Variants in WDR41 observed in about 807,000 individuals in gnomAD.
WDR41 encodes the protein WD repeat domain 41.
A neutral mutation model predicts 69.3 loss-of-function variants in WDR41; 63 were observed. That is an observed-to-expected ratio of 0.91 (90% CI 0.74 to 1.12). The LOEUF is 1.12. Ranked by LOEUF, WDR41 falls within the 50% of genes most tolerant of loss-of-function variation. WDR41 has a pLI of 0.00. For missense variants in WDR41, 543 were observed against 534.5 expected (o/e 1.02, Z -0.16); for synonymous variants, 185 against 192.1 (o/e 0.96, Z 0.31).
intron 1 of WDR41, among the ~76,000 whole-genome samples, chr5:77,518,553 G>A (rs1239530567): frequency 6.6e-6 from 1 of 152,046 alleles, no homozygotes; most frequent in Non-Finnish European, 1.5e-5. Flanking sequence ...TTTTCCCTAA[G>A]TCATTTGTTT....
chr5:77,605,837 A>AT (rs1307459023), intron 1 of WDR41, among the ~76,000 whole-genome samples: 1 of 152,212 alleles, frequency 6.6e-6, no homozygotes, highest in Non-Finnish European at 1.5e-5. Context: ...AGGTAAAAAA[A>AT]CTTTGACTGA....
intron 12 of WDR41, among the ~76,000 whole-genome samples, chr5:77,435,660 C>A (rs189382087): frequency 6.6e-6 from 1 of 152,342 alleles, no homozygotes; most frequent in Admixed American, 6.5e-5. Flanking sequence ...CACAGCTAAT[C>A]TGTTACCTCA....
chr5:77,539,609 T>C (rs1453336424), intron 1 of WDR41, among the ~76,000 whole-genome samples: 2 of 152,190 alleles, frequency 1.3e-5, no homozygotes, highest in African/African-American at 4.8e-5. Context: ...AGTCTGGGTT[T>C]GAACCCTGAC....
chr5:77,498,069 A>G (rs953980102), intron 1 of WDR41, among the ~76,000 whole-genome samples: 1 of 152,228 alleles, frequency 6.6e-6, no homozygotes, highest in Non-Finnish European at 1.5e-5. Flanking sequence ...AAAATAGAAC[A>G]GAGGTTACCA....
chr5:77,485,469 T>A (rs890715122), intron 2 of WDR41, among the ~76,000 whole-genome samples: 1 of 152,220 alleles, frequency 6.6e-6, no homozygotes, highest in African/African-American at 2.4e-5. Context: ...TGTTCTCCAA[T>A]CTGGCACTTC....
chr5:77,493,423 T>C (rs1203008890), upstream of WDR41, among the ~76,000 whole-genome samples: 1 of 152,154 alleles, frequency 6.6e-6, no homozygotes, highest in Non-Finnish European at 1.5e-5. Flanking sequence ...AAAATGCTGC[T>C]CTGGAGGGAC....
At chr5:77,613,871 G>C (rs1438863547) in intron 1 of WDR41, among the ~76,000 whole-genome samples, 1 of 152,094 alleles carries the variant, frequency 6.6e-6, no homozygotes, top group Admixed American at 6.5e-5. Flanking sequence ...CTACAGAATG[G>C]GAGAAAATTT....
intron 1 of WDR41, among the ~76,000 whole-genome samples, chr5:77,614,092 C>T (rs1411574313): frequency 0.019 from 2,849 of 151,610 alleles, 32 homozygotes; most frequent in Middle Eastern, 0.062. Context: ...AAAACCACAA[C>T]GAGATACCAT....
At chr5:77,458,412 A>T (rs1413590479) in intron 5 of WDR41, among the ~76,000 whole-genome samples, 1 of 152,140 alleles carries the variant, frequency 6.6e-6, no homozygotes, top group East Asian at 1.9e-4. Flanking sequence ...AAATGAGGGA[A>T]CATCTACTGC....
chr5:77,438,280 G>A lies in WDR41; in HGVS notation c.964C>T (p.His322Tyr), dbSNP rs754992543. The change falls in exon 10 of 13, where the codon CAT becomes TAT. Residue 322 changes from histidine (H) to tyrosine (Y), a missense_variant. His to Tyr is a moderately conservative substitution (Grantham distance 83, BLOSUM62 2). Transcript: ENST00000296679. ...KRVIACQKTAHDSNVLHVARL... is the reference protein window; with the variant it reads ...KRVIACQKTAYDSNVLHVARL... ...GCAACGTGCAGGACATTGGAGTCAT[G>A]TGCAGTTTTCTGGCAGGCAATCACA... The A allele has an allele frequency of 6.2e-7, 1 of 1,614,098 alleles. No individual in the cohort carries two copies. The highest frequency in any genetic ancestry group is 1.1e-5 in the South Asian group (1 of 91,088).
intron 1 of WDR41, among the ~76,000 whole-genome samples, chr5:77,523,533 T>TAA (rs1802403682): frequency 6.6e-6 from 1 of 152,020 alleles, no homozygotes; most frequent in Non-Finnish European, 1.5e-5. Context: ...CTATATTCAG[T>TAA]AAAGTATACT....
chr5:77,482,418 ATC>A (rs1801311994), intron 2 of WDR41, among the ~76,000 whole-genome samples: 1 of 152,124 alleles, frequency 6.6e-6, no homozygotes. Flanking sequence ...TATCTCTAAT[ATC>A]TCTTTTATTC....
chr5:77,449,985 C>T (rs2305989), intron 7 of WDR41, 115 bp from the exon 8 acceptor site: 8 of 692,206 alleles, frequency 1.2e-5, no homozygotes, highest in South Asian at 1.9e-5. Context: ...TACTGAAAAA[C>T]CCATCTCCAA....
intron 2 of WDR41, among the ~76,000 whole-genome samples, chr5:77,475,912 G>A (rs1199966338): frequency 6.6e-6 from 1 of 151,962 alleles, no homozygotes; most frequent in Non-Finnish European, 1.5e-5. Context: ...CAAAGAAGTT[G>A]AAAACTTTGA....
chr5:77,492,123 C>A (rs1248740083), intron 1 of WDR41, 47 bp downstream of exon 1: 3 of 1,599,448 alleles, frequency 1.9e-6, no homozygotes, highest in Admixed American at 1.7e-5. Flanking sequence ...CGAAGCCGCC[C>A]CTCCAGCAAG....
At chr5:77,535,957 A>T (rs1742966885) in intron 1 of WDR41, among the ~76,000 whole-genome samples, 1 of 152,188 alleles carries the variant, frequency 6.6e-6, no homozygotes, top group Admixed American at 6.5e-5. Context: ...ATAGTTCTGC[A>T]GTCAAAATTT....
intron 1 of WDR41, among the ~76,000 whole-genome samples, chr5:77,550,627 G>A (rs529436260): frequency 1.3e-5 from 2 of 152,334 alleles, no homozygotes; most frequent in African/African-American, 2.4e-5. Flanking sequence ...CTTATACACT[G>A]TTGGTGGGAA....
At chr5:77,501,067 G>A (rs547469388) in intron 1 of WDR41, among the ~76,000 whole-genome samples, 15 of 152,350 alleles carry the variant, frequency 9.8e-5, no homozygotes, top group South Asian at 4.1e-4. Context: ...TAAGCAGGGC[G>A]AGGCGTTGCC....
intron 1 of WDR41, among the ~76,000 whole-genome samples, chr5:77,574,972 C>T (rs779059920): frequency 1.8e-4 from 27 of 151,960 alleles, no homozygotes; most frequent in South Asian, 4.1e-4. Context: ...AGAAATGAGG[C>T]GTTAAAAACA....
Sources: allele counts gnomAD v4.1 joint callset (sites outside exome capture counted in the v4.1 genomes callset), GRCh38; gene constraint gnomAD v4.1.1; transcripts MANE v1.5; gene names NCBI Gene and HGNC (gene_info 2026-07-23, HGNC 2026-07-21).